The following GALNT13 variants were observed in gnomAD, a reference collection of about 807,000 sequenced individuals.
GALNT13 encodes UDP-GalNAc:polypeptide N-acetylgalactosaminyltransferase 13.
In GALNT13, 28 loss-of-function variants were observed where a neutral mutation model predicts 64.2. The ratio of observed to expected loss-of-function variants is 0.44; its 90% confidence interval spans 0.32 to 0.60. The LOEUF is 0.60. GALNT13 is among the 20% of genes least tolerant of loss of function. The probability of loss-of-function intolerance (pLI) is 0.05; values close to 1 mark genes in which losing one functional copy is unlikely to be tolerated. For missense variants in GALNT13, 577 were observed against 669.8 expected (o/e 0.86, Z 1.53); for synonymous variants, 214 against 224.6 (o/e 0.95, Z 0.42).
chr2:154,407,217 A>G (rs1403929391), intron 10 of GALNT13, among the ~76,000 whole-genome samples: 3 of 152,180 alleles, frequency 2.0e-5, no homozygotes, highest in Admixed American at 1.3e-4. Flanking sequence ...ATCAGATTGC[A>G]TACCTTACAT....
rs67316542 is a variant in GALNT13 at position 154,019,602 on chromosome 2, CCACACACACACACA to C, written c.142+75002_142+75015del. ...TCCAGCCTGGCCACAGAGTAAGACT[CCACACACACACACA>C]CACACACACACACACACACACACAC... On this transcript the variant is annotated intron_variant, in intron 3 of 12. Transcript: ENST00000392825. Among the ~76,000 whole-genome samples, 46 of 126,526 alleles carry C rather than the reference CCACACACACACACA, an allele frequency of 3.6e-4. 1 individual carries two copies. Among genetic ancestry groups the C allele is most frequent in the Middle Eastern group, 4.0e-3 (1 of 248 alleles). The allele number at this position is 126,526 out of a possible 152,430, so 83.0% of individuals were successfully genotyped here. A position where few individuals can be genotyped will look rare whatever the true frequency, so the allele number is the denominator to read the frequency against.
At chr2:153,759,754 G>A in the GALNT13 span, among the ~76,000 whole-genome samples, 1 of 151,722 alleles carries the variant, frequency 6.6e-6, no homozygotes. Context: ...ATTTTCATTT[G>A]GGATATTGGC....
chr2:154,316,600 A>G (rs1250861120), intron 9 of GALNT13, among the ~76,000 whole-genome samples: 1 of 152,140 alleles, frequency 6.6e-6, no homozygotes, highest in Non-Finnish European at 1.5e-5. Flanking sequence ...GCTCAGGGTT[A>G]TGGAGATTAT....
chr2:153,334,381 A>G, the GALNT13 span, among the ~76,000 whole-genome samples: 1 of 152,200 alleles, frequency 6.6e-6, no homozygotes, highest in Non-Finnish European at 1.5e-5. Flanking sequence ...GAAGGTTTAT[A>G]TATAGTACAA....
At chr2:153,525,658 C>T in the GALNT13 span, among the ~76,000 whole-genome samples, 1 of 152,018 alleles carries the variant, frequency 6.6e-6, no homozygotes, top group Non-Finnish European at 1.5e-5. Context: ...CCCACCCCCA[C>T]CAGTATGTGA....
chr2:153,153,663 C>CTTTTTTTT, the GALNT13 span, among the ~76,000 whole-genome samples: 1 of 129,784 alleles, frequency 7.7e-6, no homozygotes, highest in Non-Finnish European at 1.6e-5. Flanking sequence ...TTCCCCATTG[C>CTTTTTTTT]TTTTTTTTTT....
intron 3 of GALNT13, among the ~76,000 whole-genome samples, chr2:154,103,148 T>C (rs368153810): frequency 9.1e-4 from 139 of 152,202 alleles, no homozygotes; most frequent in African/African-American, 3.3e-3. Flanking sequence ...CTGTAAGTCA[T>C]AGGTTTGATC....
At chr2:153,589,959 T>G in the GALNT13 span, among the ~76,000 whole-genome samples, 1 of 151,898 alleles carries the variant, frequency 6.6e-6, no homozygotes, top group Non-Finnish European at 1.5e-5. Flanking sequence ...CCAAAAGAAC[T>G]AGAAAAGCAA....
At chr2:153,484,530 A>G in the GALNT13 span, among the ~76,000 whole-genome samples, 1 of 152,186 alleles carries the variant, frequency 6.6e-6, no homozygotes, top group Non-Finnish European at 1.5e-5. Flanking sequence ...GCAAAAAGCA[A>G]CCAAATTGTT....
At chr2:154,243,617 G>C (rs1689616938) in intron 6 of GALNT13, among the ~76,000 whole-genome samples, 1 of 152,170 alleles carries the variant, frequency 6.6e-6, no homozygotes, top group Non-Finnish European at 1.5e-5. Flanking sequence ...ATACATACCT[G>C]CAATTCCTTC....
At chr2:153,856,671 C>A in the GALNT13 span, among the ~76,000 whole-genome samples, 2 of 152,220 alleles carry the variant, frequency 1.3e-5, no homozygotes, top group African/African-American at 4.8e-5. Context: ...ACACTCTGAA[C>A]AATAGGGAAA....
At chr2:154,339,823 G>C (rs1012917736) in intron 9 of GALNT13, among the ~76,000 whole-genome samples, 32 of 152,138 alleles carry the variant, frequency 2.1e-4, no homozygotes, top group Non-Finnish European at 2.1e-4. Flanking sequence ...GTATATGACA[G>C]ATTTTCTCAA....
chr2:154,155,397 A>G (rs1684350438), intron 4 of GALNT13, among the ~76,000 whole-genome samples: 1 of 152,080 alleles, frequency 6.6e-6, no homozygotes, highest in Non-Finnish European at 1.5e-5. Flanking sequence ...CAATTTAAGA[A>G]AGCAGATAGT....
At chr2:153,850,118 G>A in the GALNT13 span, among the ~76,000 whole-genome samples, 15 of 151,426 alleles carry the variant, frequency 9.9e-5, no homozygotes, top group South Asian at 3.1e-3. Flanking sequence ...GGCGGAGCTT[G>A]CAGTGAGCCG....
chr2:154,254,942 A>T (rs954963961), intron 7 of GALNT13, among the ~76,000 whole-genome samples: 42 of 152,210 alleles, frequency 2.8e-4, no homozygotes, highest in African/African-American at 9.6e-4. Flanking sequence ...CTAATTTCAG[A>T]TGAGAGAAGA....
the GALNT13 span, among the ~76,000 whole-genome samples, chr2:153,292,625 A>G: frequency 6.6e-6 from 1 of 152,130 alleles, no homozygotes. Flanking sequence ...GATATTTTGG[A>G]TGATGTTTGG....
Position 153,923,933 on chromosome 2 carries a change from C to T in GALNT13, c.-104-20461C>T, listed in dbSNP as rs533562324. Among the ~76,000 whole-genome samples, 11 of 151,906 alleles carry T rather than the reference C, an allele frequency of 7.2e-5. No individual in the cohort carries two copies. In the East Asian group the frequency reaches 2.1e-3, roughly 30 times the overall value. On this transcript the variant is annotated intron_variant, in intron 2 of 12. Coordinates refer to ENST00000392825, the MANE Select transcript of GALNT13 (RefSeq NM_052917.4). ...TATGTGCCACATTTTCTTAATCCAGCCTATCATTGATGGACATTTGGGTTG... is the reference window on the plus strand; with the variant it reads ...TATGTGCCACATTTTCTTAATCCAGTCTATCATTGATGGACATTTGGGTTG...
chr2:154,235,140 C>T (rs974117663), intron 4 of GALNT13, among the ~76,000 whole-genome samples: 1 of 152,032 alleles, frequency 6.6e-6, no homozygotes. Flanking sequence ...CCCTCTCACC[C>T]CATCCCCACC....
chr2:154,364,639 TTTG>T (rs1322940040), intron 9 of GALNT13, among the ~76,000 whole-genome samples: 2 of 135,846 alleles, frequency 1.5e-5, no homozygotes, highest in African/African-American at 5.7e-5. Flanking sequence ...ATCCTTCACT[TTTG>T]TTGTTTTGTT....
Sources: allele counts gnomAD v4.1 joint callset (sites outside exome capture counted in the v4.1 genomes callset), GRCh38; gene constraint gnomAD v4.1.1; transcripts MANE v1.5; gene names NCBI Gene and HGNC (gene_info 2026-07-23, HGNC 2026-07-21).